Variants in FBXW7 observed in about 807,000 individuals in gnomAD.
FBXW7 encodes the protein F-box and WD repeat domain containing 7.
Under a neutral mutation model 86.3 loss-of-function variants are expected in FBXW7, and 11 were observed. The ratio of observed to expected loss-of-function variants is 0.13; its 90% CI spans 0.08 to 0.21. The LOEUF (loss-of-function observed/expected upper bound fraction) is 0.21, where lower values mean the gene tolerates loss of function less well. Among genes scored for constraint, FBXW7 ranks in the 10% least tolerant of loss-of-function variants. The pLI is 1.00. For synonymous variants in FBXW7, 313 were observed against 297.9 expected (o/e 1.05, Z -0.52); for missense variants, 488 against 847.4 (o/e 0.58, Z 5.27).
At chr4:152,523,651 A>C (rs750614108) in intron 2 of FBXW7, among the ~76,000 whole-genome samples, 1 of 152,186 alleles carries the variant, frequency 6.6e-6, no homozygotes, top group Non-Finnish European at 1.5e-5. Flanking sequence ...GGAGACAATA[A>C]AGCTAGTCTA....
At chr4:152,520,837 C>T (rs1216494931) in intron 2 of FBXW7, among the ~76,000 whole-genome samples, 1 of 152,210 alleles carries the variant, frequency 6.6e-6, no homozygotes, top group Admixed American at 6.5e-5. Flanking sequence ...ATCTAAGCTA[C>T]TTTACTTCTA....
At chr4:152,434,955 C>A (rs1291786459) in intron 2 of FBXW7, among the ~76,000 whole-genome samples, 2 of 112,338 alleles carry the variant, frequency 1.8e-5, no homozygotes, top group East Asian at 5.3e-4. Flanking sequence ...CCTTTCCCCC[C>A]GCTCCCCCCC....
chr4:152,495,320 A>G (rs535723989), intron 2 of FBXW7, among the ~76,000 whole-genome samples: 254 of 152,288 alleles, frequency 1.7e-3, no homozygotes, highest in African/African-American at 5.4e-3. Flanking sequence ...ACACACCTGT[A>G]GTCCCAACTA....
rs1728658546 is a variant in FBXW7 at position 152,322,795 on chromosome 4, T to C, written c.*86A>G. 4 of 1,555,110 alleles carry C rather than the reference T, an allele frequency of 2.6e-6. No homozygotes were observed. The Admixed American group carries it at 8.0e-5, about 31-fold the overall frequency. On this transcript the variant is annotated 3_prime_UTR_variant, in exon 14 of 14. Transcript: ENST00000281708. ...CCACTGAGAACAAGGGATTTTTTTCTTTTTCTTTTCTTTTTTTCTTTTTGC... is the reference window on the plus strand; with the variant it reads ...CCACTGAGAACAAGGGATTTTTTTCCTTTTCTTTTCTTTTTTTCTTTTTGC...
At chr4:152,464,328 T>C (rs752196915) in intron 2 of FBXW7, among the ~76,000 whole-genome samples, 10 of 151,658 alleles carry the variant, frequency 6.6e-5, no homozygotes, top group Admixed American at 1.3e-4. Flanking sequence ...GGAAGAAAAA[T>C]AGTAGAGGAA....
At chr4:152,378,006 A>T (rs1734711408) in intron 4 of FBXW7, among the ~76,000 whole-genome samples, 1 of 152,200 alleles carries the variant, frequency 6.6e-6, no homozygotes, top group African/African-American at 2.4e-5. Context: ...ATAACATTTT[A>T]TTAAAACACA....
At chr4:152,442,609 T>G (rs536015774) in intron 2 of FBXW7, among the ~76,000 whole-genome samples, 6 of 152,346 alleles carry the variant, frequency 3.9e-5, no homozygotes, top group Admixed American at 2.0e-4. Context: ...GATCGTTAAA[T>G]GCCAGTACAC....
chr4:152,487,489 A>G (rs1203562060), intron 2 of FBXW7, among the ~76,000 whole-genome samples: 1 of 152,116 alleles, frequency 6.6e-6, no homozygotes, highest in Non-Finnish European at 1.5e-5. Context: ...TTATGCCAAC[A>G]GTATATTATT....
At chr4:152,392,653 C>T (rs1010026002) in intron 4 of FBXW7, among the ~76,000 whole-genome samples, 3 of 151,964 alleles carry the variant, frequency 2.0e-5, no homozygotes, top group Admixed American at 2.0e-4. Flanking sequence ...AAAGCTTTGA[C>T]GGTGATTGGT....
chr4:152,490,636 A>T (rs1463565372), intron 2 of FBXW7, among the ~76,000 whole-genome samples: 1 of 152,158 alleles, frequency 6.6e-6, no homozygotes, highest in Admixed American at 6.6e-5. Context: ...AGTTAAAAAA[A>T]CATTCATTAC....
chr4:152,328,422 T>G (rs745400931), intron 10 of FBXW7, 33 bp from the exon 11 acceptor site: 14 of 1,363,278 alleles, frequency 1.0e-5, no homozygotes, highest in Non-Finnish European at 1.3e-5. Flanking sequence ...TACTTTTGGG[T>G]AGAAAGGAAA....
chr4:152,499,841 AGATAAAGTAG>A (rs1355186537), intron 2 of FBXW7, among the ~76,000 whole-genome samples: 1 of 152,136 alleles, frequency 6.6e-6, no homozygotes, highest in Non-Finnish European at 1.5e-5. Flanking sequence ...TTGCTCATAC[AGATAAAGTAG>A]GATCTTAATA....
chr4:152,350,777 AG>A (rs1217647899), intron 4 of FBXW7, among the ~76,000 whole-genome samples: 2 of 151,906 alleles, frequency 1.3e-5, no homozygotes, highest in African/African-American at 4.8e-5. Context: ...TACAGAATAT[AG>A]CTCTATTGAC....
At chr4:152,374,893 G>C (rs1479582313) in intron 4 of FBXW7, among the ~76,000 whole-genome samples, 2 of 152,092 alleles carry the variant, frequency 1.3e-5, no homozygotes, top group South Asian at 4.2e-4. Context: ...CAGGAGGGGG[G>C]GGGATGATGC....
At chr4:152,533,357 A>T (rs1007842408) in intron 2 of FBXW7, among the ~76,000 whole-genome samples, 1 of 152,168 alleles carries the variant, frequency 6.6e-6, no homozygotes, top group Non-Finnish European at 1.5e-5. Context: ...TATTTTGGGT[A>T]CAGTATTTTA....
intron 4 of FBXW7, among the ~76,000 whole-genome samples, chr4:152,409,923 G>A (rs530302779): frequency 6.6e-6 from 1 of 152,066 alleles, no homozygotes; most frequent in East Asian, 1.9e-4. Context: ...AGTATACTTC[G>A]TTTTTAAAAA....
chr4:152,355,369 T>G (rs1187297552), intron 4 of FBXW7, among the ~76,000 whole-genome samples: 1 of 152,098 alleles, frequency 6.6e-6, no homozygotes, highest in Non-Finnish European at 1.5e-5. Context: ...CTATTATCTA[T>G]GTTAAATAAG....
At position 152,328,354 on chromosome 4, in the gene FBXW7, T is replaced by G; in HGVS notation, c.1272A>C (p.Val424=). 6.3e-7 allele frequency: 1 copy of G among 1,579,848 alleles called. No homozygotes were observed. The highest frequency in any genetic ancestry group is 8.6e-7 in the Non-Finnish European group (1 of 1,165,942). The change falls in exon 11 of 14, where the codon GTA becomes GTC. Residue 424 remains valine (V), a synonymous_variant. Transcript: ENST00000281708. ...LRTLVGHTGG[V]WSSQMRDNII... ...TGTTGTCTCTCATTTGTGATGACCA[T>G]ACTCCACCTGTATGTCCCACTAATG... is the stretch of plus-strand genomic sequence containing the variant.
Position 152,330,890 on chromosome 4 carries a change from G to A in FBXW7, c.986-22C>T, listed in dbSNP as rs999803634. ...ATCCCTAAAGTGTTACAGTTCAAGA[G>A]TAAATTGCCTTCACCAATAATAACA... is the stretch of plus-strand genomic sequence containing the variant. On this transcript the variant is annotated intron_variant, in intron 8 of 13. Transcript: ENST00000281708. The A allele has an allele frequency of 8.7e-6, 14 of 1,605,860 alleles. No homozygotes were observed. The African/African-American group carries it at 1.9e-4, about 22-fold the overall frequency.
Sources: allele counts gnomAD v4.1 joint callset (sites outside exome capture counted in the v4.1 genomes callset), GRCh38; gene constraint gnomAD v4.1.1; transcripts MANE v1.5; gene names NCBI Gene and HGNC (gene_info 2026-07-23, HGNC 2026-07-21).